NRXN1: variants seen among roughly 807,000 people sequenced by gnomAD.
NRXN1 encodes the protein neurexin 1.
Under a neutral mutation model 150.9 loss-of-function variants are expected in NRXN1, and 39 were observed. The observed-to-expected ratio is 0.26, with a 90% CI of 0.20 to 0.34. The LOEUF is 0.34. NRXN1 is among the 10% of genes least tolerant of loss of function. The probability of loss-of-function intolerance (pLI) is 1.00; values close to 1 mark genes in which losing one functional copy is unlikely to be tolerated. For missense variants in NRXN1, 1,815 were observed against 1,949.9 expected, an observed-to-expected ratio of 0.93 and a Z score of 1.30; for synonymous variants, 924 against 757.0, an observed-to-expected ratio of 1.22 and a Z score of -3.62.
At chr2:50,299,561 C>T (rs1314973223) in intron 17 of NRXN1, among the ~76,000 whole-genome samples, 1 of 151,964 alleles carries the variant, frequency 6.6e-6, no homozygotes, top group Non-Finnish European at 1.5e-5. Flanking sequence ...TTTAGTAGGT[C>T]ATCTTTATTG....
rs531729402 is a variant in NRXN1 at position 51,012,925 on chromosome 2, C to T, written c.772+14577G>A. On this transcript the variant is annotated intron_variant, in intron 2 of 22. Transcript: ENST00000401669. The stretch of plus-strand genomic sequence containing the variant: ...TTTTTCTGCCCTCTAATCTCATCCT[C>T]CTCCAGGAACAATTCATACCAGTAC... 1.1e-3 allele frequency among the ~76,000 whole-genome samples: 172 copies of T among 152,108 alleles called. 1 individual carries two copies. Among genetic ancestry groups the T allele is most frequent in the South Asian group, 8.1e-3 (39 of 4,826 alleles).
chr2:50,161,182 C>T (rs2059343463), intron 18 of NRXN1, among the ~76,000 whole-genome samples: 1 of 152,126 alleles, frequency 6.6e-6, no homozygotes, highest in Admixed American at 6.6e-5. Flanking sequence ...CCACCCAACA[C>T]CCATCTGCAT....
At chr2:50,012,422 A>T (rs925453738) in intron 21 of NRXN1, among the ~76,000 whole-genome samples, 1 of 152,222 alleles carries the variant, frequency 6.6e-6, no homozygotes, top group South Asian at 2.1e-4. Context: ...CATACAAAAT[A>T]TTAGTCATGG....
At chr2:51,012,221 T>C (rs1299548803) in intron 2 of NRXN1, among the ~76,000 whole-genome samples, 3 of 151,988 alleles carry the variant, frequency 2.0e-5, no homozygotes, top group Non-Finnish European at 4.4e-5. Context: ...TAATCTAAAG[T>C]CTTTTTTTAA....
intron 18 of NRXN1, among the ~76,000 whole-genome samples, chr2:50,150,277 C>T (rs1165327638): frequency 6.6e-6 from 1 of 151,700 alleles, no homozygotes; most frequent in Non-Finnish European, 1.5e-5. Context: ...ATGCATGCAC[C>T]ACATTAATTA....
intron 17 of NRXN1, among the ~76,000 whole-genome samples, chr2:50,359,588 C>A (rs1467198236): frequency 6.6e-6 from 1 of 151,790 alleles, no homozygotes; most frequent in Non-Finnish European, 1.5e-5. Flanking sequence ...AACAAAGCCT[C>A]CAAGATATAT....
At chr2:50,319,889 G>C (rs1047580762) in intron 17 of NRXN1, among the ~76,000 whole-genome samples, 4 of 151,862 alleles carry the variant, frequency 2.6e-5, no homozygotes, top group African/African-American at 9.7e-5. Context: ...CTCTATTCTT[G>C]CCTCCTCCAG....
intron 17 of NRXN1, among the ~76,000 whole-genome samples, chr2:50,463,689 A>T (rs1351900789): frequency 6.6e-6 from 1 of 151,812 alleles, no homozygotes; most frequent in Non-Finnish European, 1.5e-5. Flanking sequence ...AAGTCTAACA[A>T]ATACATACAC....
At chr2:50,097,066 G>C (rs997440872) in intron 18 of NRXN1, among the ~76,000 whole-genome samples, 18 of 152,170 alleles carry the variant, frequency 1.2e-4, no homozygotes, top group Non-Finnish European at 2.1e-4. Context: ...ATACAGACAT[G>C]TTACATAAGA....
intron 9 of NRXN1, 101 bp downstream of exon 9, chr2:50,552,486 T>G (rs987995129): frequency 9.6e-6 from 8 of 835,600 alleles, no homozygotes; most frequent in South Asian, 6.7e-5. Flanking sequence ...AAGAAACAAA[T>G]GCAGGAAGTC....
At chr2:50,231,144 T>C (rs529474745) in intron 18 of NRXN1, among the ~76,000 whole-genome samples, 2 of 152,234 alleles carry the variant, frequency 1.3e-5, no homozygotes, top group South Asian at 2.1e-4. Flanking sequence ...TGAATCTGAA[T>C]ACTATATGGC....
At chr2:50,896,846 CAAA>C (rs11303142) in intron 5 of NRXN1, among the ~76,000 whole-genome samples, 1 of 128,316 alleles carries the variant, frequency 7.8e-6, no homozygotes. Flanking sequence ...GATTCTGTCT[CAAA>C]AAAAAAAAAA....
intron 17 of NRXN1, among the ~76,000 whole-genome samples, chr2:50,248,713 A>G (rs950870302): frequency 7.2e-5 from 11 of 152,154 alleles, no homozygotes; most frequent in African/African-American, 2.7e-4. Flanking sequence ...AACCATGTAG[A>G]TACATAGTTT....
At chr2:50,287,810 T>C (rs2072386808) in intron 17 of NRXN1, among the ~76,000 whole-genome samples, 1 of 152,170 alleles carries the variant, frequency 6.6e-6, no homozygotes. Flanking sequence ...GCTTAATTCA[T>C]TTAAGAGGTG....
At chr2:49,972,333 C>T (rs749735980) in intron 21 of NRXN1, among the ~76,000 whole-genome samples, 6 of 151,996 alleles carry the variant, frequency 3.9e-5, no homozygotes, top group South Asian at 2.1e-4. Flanking sequence ...TCAGGCTCCA[C>T]GCTGCATGAT....
intron 12 of NRXN1, among the ~76,000 whole-genome samples, chr2:50,523,516 T>C (rs965460982): frequency 6.6e-6 from 1 of 152,208 alleles, no homozygotes. Context: ...AAGTAGCTTC[T>C]CAAATGGCAG....
intron 17 of NRXN1, among the ~76,000 whole-genome samples, chr2:50,384,570 G>C (rs1172048470): frequency 1.4e-5 from 2 of 147,916 alleles, no homozygotes; most frequent in Non-Finnish European, 3.0e-5. Flanking sequence ...TTAGGGCCCA[G>C]TTTCAGTTGC....
At chr2:50,513,193 A>G (rs1039627432) in intron 12 of NRXN1, among the ~76,000 whole-genome samples, 3 of 152,212 alleles carry the variant, frequency 2.0e-5, no homozygotes, top group Admixed American at 2.0e-4. Context: ...TGTAATCTCA[A>G]TGAATATTAA....
intron 5 of NRXN1, chr2:50,829,778 AATGTTTTTATTT>A: frequency 6.5e-7 from 1 of 1,538,224 alleles, no homozygotes; most frequent in African/African-American, 1.4e-5. Context: ...ACTCAGCCCT[AATGTTTTTATTT>A]ATGAAGTAAC....
Sources: gnomAD v4.1 joint callset for allele counts (sites outside exome capture counted in the v4.1 genomes callset) on GRCh38, gnomAD v4.1.1 for gene constraint, MANE v1.5 for transcripts, NCBI Gene and HGNC (gene_info 2026-07-23, HGNC 2026-07-21) for gene names.